The following TRAK2 variants were observed in gnomAD, a reference collection of about 807,000 sequenced individuals.
TRAK2 encodes trafficking kinesin protein 2.
In TRAK2, 81 loss-of-function variants were observed where a neutral mutation model predicts 104.6. The ratio of observed to expected loss-of-function variants is 0.77; its 90% CI spans 0.65 to 0.93. TRAK2 has a LOEUF of 0.93. Ranked by LOEUF, TRAK2 falls within the 40% of genes least tolerant of loss-of-function variation. TRAK2 has a pLI of 0.00. For synonymous variants in TRAK2, 406 were observed against 394.4 expected, an observed-to-expected ratio of 1.03 and a Z score of -0.35; for missense variants, 1,002 against 1,089.0, an observed-to-expected ratio of 0.92 and a Z score of 1.12.
intron 1 of TRAK2, among the ~76,000 whole-genome samples, chr2:201,437,209 T>C (rs1951885535): frequency 6.6e-6 from 1 of 152,190 alleles, no homozygotes; most frequent in Admixed American, 6.5e-5. Context: ...AGGAGGTTAT[T>C]AGATTCAGAG....
chr2:201,410,880 A>G (rs1260122239), intron 2 of TRAK2: 1 of 1,588,610 alleles, frequency 6.3e-7, no homozygotes, highest in Non-Finnish European at 8.6e-7. Context: ...CATTCAAAGC[A>G]CTGAAGTTTG....
At chr2:201,394,343 C>CTTTTTTTTTT (rs369969654) in intron 9 of TRAK2, among the ~76,000 whole-genome samples, 1 of 126,590 alleles carries the variant, frequency 7.9e-6, no homozygotes, top group Non-Finnish European at 1.7e-5. Flanking sequence ...TATTCTTTTT[C>CTTTTTTTTTT]TTTCTTTTTT....
At chr2:201,442,002 T>C (rs1436682616) in intron 1 of TRAK2, among the ~76,000 whole-genome samples, 1 of 150,566 alleles carries the variant, frequency 6.6e-6, no homozygotes, top group Non-Finnish European at 1.5e-5. Context: ...GATGGTGTGC[T>C]CTTTCTAAAC....
chr2:201,387,800 A>C lies in TRAK2; in HGVS notation c.1599T>G (p.Ser533=). 1.2e-6 allele frequency: 2 copies of C among 1,614,160 alleles called. No individual in the cohort carries two copies. The highest frequency in any genetic ancestry group is 1.7e-6 in the Non-Finnish European group (2 of 1,179,998). Residue 533 remains serine, a synonymous_variant, in exon 13 of 16, where the codon TCT becomes TCG. Transcript: ENST00000332624. The stretch of plus-strand genomic sequence containing the variant: ...TGATCTCTGACTGGGTGGTGCAGAG[A>C]GAGGCAAGGCTCTCTGTCGGGGTGA... ...GCVTPTESLA[S]LCTTQSEITD... is the part of the protein sequence containing the mutation.
intron 12 of TRAK2, among the ~76,000 whole-genome samples, 173 bp downstream of exon 12, chr2:201,389,127 G>C (rs1951419922): frequency 6.6e-6 from 1 of 152,134 alleles, no homozygotes; most frequent in Admixed American, 6.5e-5. Context: ...AAAAAAATTT[G>C]ACTTTGGCAT....
At chr2:201,410,343 A>G (rs1951634675) in intron 2 of TRAK2, among the ~76,000 whole-genome samples, 1 of 152,100 alleles carries the variant, frequency 6.6e-6, no homozygotes, top group South Asian at 2.1e-4. Context: ...GGAGTTGGTA[A>G]GAGGAAAAAA....
At chr2:201,428,356 G>A (rs908222204) in intron 1 of TRAK2, among the ~76,000 whole-genome samples, 2 of 152,206 alleles carry the variant, frequency 1.3e-5, no homozygotes, top group East Asian at 1.9e-4. Flanking sequence ...TAAGCTGTAA[G>A]GAAGGGATCC....
At chr2:201,402,261 T>C (rs1951556656) in intron 3 of TRAK2, among the ~76,000 whole-genome samples, 1 of 152,108 alleles carries the variant, frequency 6.6e-6, no homozygotes, top group African/African-American at 2.4e-5. Context: ...CATAGTCCCA[T>C]CTTAACACTT....
At chr2:201,424,205 C>T (rs1046734208) in intron 1 of TRAK2, among the ~76,000 whole-genome samples, 2 of 152,184 alleles carry the variant, frequency 1.3e-5, no homozygotes, top group Admixed American at 1.3e-4. Flanking sequence ...TCACTGGCTA[C>T]CTGAGCAAAA....
Position 201,428,395 on chromosome 2 carries a change from A to G in TRAK2, c.-199-7689T>C, listed in dbSNP as rs572725092. On this transcript the variant is annotated intron_variant, in intron 1 of 15. Coordinates refer to ENST00000332624, the MANE Select transcript of TRAK2 (RefSeq NM_015049.3). ...TTCAGCTTTCTACATATGGCTAGCCAGTTTTCCCAGCACCATTTATTAAAT... is the reference window on the plus strand; with the variant it reads ...TTCAGCTTTCTACATATGGCTAGCCGGTTTTCCCAGCACCATTTATTAAAT... 2.6e-5 allele frequency among the ~76,000 whole-genome samples: 4 copies of G among 152,336 alleles called. No individual in the cohort carries two copies. In the East Asian group the frequency reaches 7.7e-4, roughly 29 times the overall value.
In TRAK2 at chr2:201,447,902, C is replaced by T. The variant is rs573006989; in HGVS notation, c.-200+3448G>A. ...CTTTCTCTGTGCTCCCAAAGTACCT[C>T]GGCAAGCTGTGATCCCATTGCTCAA... On this transcript the variant is annotated intron_variant, in intron 1 of 15. Coordinates refer to ENST00000332624, the MANE Select transcript of TRAK2 (RefSeq NM_015049.3). The surrounding 1 kb of genome is among the most constrained non-coding windows in gnomAD (Gnocchi z 4.1). Among the ~76,000 whole-genome samples the T allele has an allele frequency of 4.9e-4, 75 of 152,354 alleles. 1 individual carries two copies. The South Asian group carries it at 9.7e-3, about 20-fold the overall frequency.
chr2:201,403,831 T>C (rs1951570416), intron 3 of TRAK2, among the ~76,000 whole-genome samples: 1 of 151,932 alleles, frequency 6.6e-6, no homozygotes, highest in South Asian at 2.1e-4. Context: ...TGCCTAAGTA[T>C]TTGTTATGGC....
At chr2:201,411,018 C>T (rs1951641420) in intron 2 of TRAK2, 1 of 1,368,720 alleles carries the variant, frequency 7.3e-7, no homozygotes, top group African/African-American at 1.4e-5. Flanking sequence ...GACATTTAGG[C>T]CATTTGTCAA....
chr2:201,441,178 T>A lies in TRAK2; in HGVS notation c.-200+10172A>T, dbSNP rs563100035. Among the ~76,000 whole-genome samples the A allele has an allele frequency of 3.3e-5, 5 of 152,360 alleles. No individual in the cohort carries two copies. The South Asian group carries it at 1.0e-3, about 32-fold the overall frequency. On this transcript the variant is annotated intron_variant, in intron 1 of 15. Coordinates refer to ENST00000332624, the MANE Select transcript of TRAK2 (RefSeq NM_015049.3). ...TGAATATTCTAAAGAAAAACACTTA[T>A]GTGCTTTATGAAAAAATCTGCATAA...
chr2:201,418,662 T>G (rs1951713860), intron 2 of TRAK2, among the ~76,000 whole-genome samples: 1 of 151,882 alleles, frequency 6.6e-6, no homozygotes, highest in Admixed American at 6.6e-5. Context: ...TCAATAAGGG[T>G]AAAGAGACCA....
chr2:201,381,984 T>C (rs1472160467), intron 15 of TRAK2, among the ~76,000 whole-genome samples: 1 of 152,190 alleles, frequency 6.6e-6, no homozygotes, highest in Non-Finnish European at 1.5e-5. Context: ...TATACAGAAG[T>C]GAAGGTGAGC....
rs967233735 is a variant in TRAK2, at chr2:201,427,683, A to G, written c.-199-6977T>C. Reference sequence around the variant, plus strand: ...ATGATTTATAATCCTTTGGGTATATACCCAGTAATGGGACGGCTGGGTCAA... The same window carrying G: ...ATGATTTATAATCCTTTGGGTATATGCCCAGTAATGGGACGGCTGGGTCAA... On this transcript the variant is annotated intron_variant, in intron 1 of 15. Transcript: ENST00000332624. Among the ~76,000 whole-genome samples the G allele has an allele frequency of 3.9e-5, 6 of 152,296 alleles. No homozygotes were observed. In the East Asian group the frequency reaches 7.7e-4, roughly 20 times the overall value.
At chr2:201,428,540 G>A (rs962382938) in intron 1 of TRAK2, among the ~76,000 whole-genome samples, 11 of 152,090 alleles carry the variant, frequency 7.2e-5, no homozygotes, top group Admixed American at 2.0e-4. Context: ...CTCTGTTTTG[G>A]TACCAATACC....
At chr2:201,402,357 C>T (rs1019547374) in intron 3 of TRAK2, among the ~76,000 whole-genome samples, 5 of 151,940 alleles carry the variant, frequency 3.3e-5, no homozygotes. Context: ...GCACCACTGA[C>T]TAAAATGAAT....
Sources: gnomAD v4.1 joint callset for allele counts (sites outside exome capture counted in the v4.1 genomes callset) on GRCh38, gnomAD v4.1.1 for gene constraint, Gnocchi (gnomAD v3.1) non-coding constraint, MANE v1.5 for transcripts, NCBI Gene and HGNC (gene_info 2026-07-23, HGNC 2026-07-21) for gene names.